The following SYT1 variants were observed in gnomAD, a reference collection of about 807,000 sequenced individuals.
SYT1 encodes synaptotagmin 1, also known as synaptotagmin-1.
Under a neutral mutation model 44.8 loss-of-function variants are expected in SYT1, and 8 were observed. The ratio of observed to expected loss-of-function variants is 0.18; its 90% CI spans 0.10 to 0.32. SYT1 has a LOEUF of 0.32. Ranked by LOEUF, SYT1 falls within the 10% of genes least tolerant of loss-of-function variation. The pLI, the probability that SYT1 is intolerant of heterozygous loss-of-function variation, is 1.00. For synonymous variants in SYT1, 154 were observed against 188.8 expected, an observed-to-expected ratio of 0.82 and a Z score of 1.51; for missense variants, 286 against 509.3, an observed-to-expected ratio of 0.56 and a Z score of 4.22.
In SYT1 at chr12:79,245,597, G is replaced by GA. The variant is rs1310027326; in HGVS notation, c.166+27920dup. ...TAATGGCAAAGCATCGTGGCAAAAA[G>GA]AAAAAAAAGAAAAAGAACACAGAAA... On this transcript the variant is annotated intron_variant, in intron 4 of 10. Coordinates refer to ENST00000261205, the MANE Select transcript of SYT1 (RefSeq NM_005639.3). Among the ~76,000 whole-genome samples, 13 of 149,028 alleles carry GA rather than the reference G, an allele frequency of 8.7e-5. 1 individual carries two copies. Among genetic ancestry groups the GA allele is most frequent in the Admixed American group, 3.3e-4 (5 of 14,972 alleles).
At chr12:79,212,218 G>C (rs1054428780) in intron 3 of SYT1, among the ~76,000 whole-genome samples, 2 of 152,118 alleles carry the variant, frequency 1.3e-5, no homozygotes, top group African/African-American at 4.8e-5. Context: ...GCAGGGACAT[G>C]GATGAAGCTG....
At chr12:79,360,270 C>A (rs148580574) in intron 9 of SYT1, among the ~76,000 whole-genome samples, 68 of 151,952 alleles carry the variant, frequency 4.5e-4, no homozygotes, top group African/African-American at 1.5e-3. Flanking sequence ...ATAAGAAGTT[C>A]TATTTCTTTC....
intron 3 of SYT1, among the ~76,000 whole-genome samples, chr12:79,105,076 A>G (rs1392123624): frequency 6.6e-6 from 1 of 152,234 alleles, no homozygotes; most frequent in Non-Finnish European, 1.5e-5. Flanking sequence ...GAACAGCTAG[A>G]GCCAAAATAC....
chr12:78,940,114 A>T (rs1338869437), intron 1 of SYT1, among the ~76,000 whole-genome samples: 1 of 152,198 alleles, frequency 6.6e-6, no homozygotes, highest in Admixed American at 6.5e-5. Flanking sequence ...CTTAAATGCT[A>T]GTCCCTGGAG....
intron 9 of SYT1, among the ~76,000 whole-genome samples, chr12:79,391,131 C>T (rs1269010791): frequency 2.6e-5 from 4 of 152,178 alleles, no homozygotes; most frequent in African/African-American, 4.8e-5. Context: ...TTAGTCATAG[C>T]CTCTTGACCC....
chr12:79,123,727 C>A (rs568774030), intron 3 of SYT1, among the ~76,000 whole-genome samples: 1 of 152,240 alleles, frequency 6.6e-6, no homozygotes, highest in Non-Finnish European at 1.5e-5. Flanking sequence ...TTTCCATTTT[C>A]TGGTGTTAAA....
intron 3 of SYT1, among the ~76,000 whole-genome samples, chr12:79,061,697 C>T (rs1377080879): frequency 6.6e-6 from 1 of 152,144 alleles, no homozygotes; most frequent in Non-Finnish European, 1.5e-5. Flanking sequence ...GCCTGAAAAG[C>T]TTTGCAAAGG....
chr12:79,160,182 T>C (rs1870862766), intron 3 of SYT1, among the ~76,000 whole-genome samples: 1 of 152,060 alleles, frequency 6.6e-6, no homozygotes, highest in Admixed American at 6.6e-5. Context: ...AGATGGCTGA[T>C]GAGGTAATGT....
intron 3 of SYT1, among the ~76,000 whole-genome samples, chr12:79,131,546 G>A (rs1868823730): frequency 6.6e-6 from 1 of 152,018 alleles, no homozygotes; most frequent in Non-Finnish European, 1.5e-5. Context: ...AAAATTTTGG[G>A]TCTCTGAAAT....
At chr12:79,309,483 G>A in intron 8 of SYT1, among the ~76,000 whole-genome samples, 1 of 151,956 alleles carries the variant, frequency 6.6e-6, no homozygotes, top group East Asian at 1.9e-4. Context: ...ATCTGTGGGT[G>A]GAAAACTTAT....
In SYT1 at chr12:78,993,404, T is replaced by C. The variant is rs560196118; in HGVS notation, c.-84+15473T>C. ...TGTTCATGTTCTTGATAAAATCAAGTTGATGCATCAAGGCAGCTATCCTTG... is the reference window on the plus strand; with the variant it reads ...TGTTCATGTTCTTGATAAAATCAAGCTGATGCATCAAGGCAGCTATCCTTG... On this transcript the variant is annotated intron_variant, in intron 2 of 10. Transcript: ENST00000261205. 2.4e-3 allele frequency among the ~76,000 whole-genome samples: 362 copies of C among 152,324 alleles called. 3 individuals are homozygous for C. The highest frequency in any genetic ancestry group is 0.014 in the Middle Eastern group (4 of 292).
At chr12:78,999,599 A>G (rs1870600958) in intron 2 of SYT1, among the ~76,000 whole-genome samples, 1 of 152,162 alleles carries the variant, frequency 6.6e-6, no homozygotes, top group Non-Finnish European at 1.5e-5. Flanking sequence ...ATTAATAGCA[A>G]CTGGAATTAA....
At chr12:79,394,400 T>C (rs1047517562) in intron 9 of SYT1, among the ~76,000 whole-genome samples, 14 of 152,202 alleles carry the variant, frequency 9.2e-5, no homozygotes, top group Non-Finnish European at 4.4e-5. Flanking sequence ...AGAAGCGCTA[T>C]AGTATTTTAG....
intron 1 of SYT1, among the ~76,000 whole-genome samples, chr12:78,919,806 A>T (rs1016084440): frequency 5.9e-5 from 9 of 152,042 alleles, no homozygotes; most frequent in Non-Finnish European, 8.8e-5. Context: ...GGATATTTTT[A>T]AAATCCTTAA....
At chr12:79,231,956 C>T (rs1361682578) in intron 4 of SYT1, among the ~76,000 whole-genome samples, 1 of 152,164 alleles carries the variant, frequency 6.6e-6, no homozygotes, top group Non-Finnish European at 1.5e-5. Flanking sequence ...CTATGGTGAG[C>T]ATCTATGAAA....
chr12:79,247,972 C>A (rs970441392), intron 4 of SYT1, among the ~76,000 whole-genome samples: 1 of 152,066 alleles, frequency 6.6e-6, no homozygotes, highest in Admixed American at 6.6e-5. Context: ...AAATGAAGGT[C>A]AATAAAGATC....
At chr12:79,402,021 G>A (rs907762450) in intron 9 of SYT1, among the ~76,000 whole-genome samples, 1 of 152,070 alleles carries the variant, frequency 6.6e-6, no homozygotes. Flanking sequence ...TTAAGAAGGT[G>A]GGCTGCCCTG....
At chr12:78,931,453 GAGAAAGAAAGAAAA>G (rs1338791453) in intron 1 of SYT1, among the ~76,000 whole-genome samples, 2 of 147,408 alleles carry the variant, frequency 1.4e-5, no homozygotes. Flanking sequence ...AATAGAGAGA[GAGAAAGAAAGAAAA>G]AGAAAGAAAG....
intron 3 of SYT1, among the ~76,000 whole-genome samples, chr12:79,088,715 T>C (rs1877557209): frequency 6.6e-6 from 1 of 151,406 alleles, no homozygotes; most frequent in Non-Finnish European, 1.5e-5. Flanking sequence ...CAGAAGGTTA[T>C]TCAGATCACA....
Sources: allele counts gnomAD v4.1 joint callset (sites outside exome capture counted in the v4.1 genomes callset), GRCh38; gene constraint gnomAD v4.1.1; transcripts MANE v1.5; gene names NCBI Gene and HGNC (gene_info 2026-07-23, HGNC 2026-07-21).